Variants in KCNG4 observed in about 807,000 individuals in gnomAD.
KCNG4 encodes the protein voltage-gated potassium channel regulatory subunit KCNG4.
A neutral mutation model predicts 28.2 loss-of-function variants in KCNG4; 30 were observed. That is an observed-to-expected ratio of 1.06 (90% CI 0.80 to 1.44). The LOEUF is 1.44. KCNG4 is among the 40% of genes most tolerant of loss of function. The probability of loss-of-function intolerance (pLI) is 0.00; values close to 1 mark genes in which losing one functional copy is unlikely to be tolerated. For missense variants in KCNG4, 879 were observed against 712.3 expected, an observed-to-expected ratio of 1.23 and a Z score of -2.66; for synonymous variants, 375 against 315.5, an observed-to-expected ratio of 1.19 and a Z score of -2.00.
chr16:84,226,647 G>A lies in KCNG4; in HGVS notation c.757-3627C>T, dbSNP rs1484620541. Reference sequence around the variant, plus strand: ...TAATCCCAGCACTTTGGGAGGGCAAGGTGGGTGGATCACCTGAGGTCAGGA... The same window carrying A: ...TAATCCCAGCACTTTGGGAGGGCAAAGTGGGTGGATCACCTGAGGTCAGGA... On this transcript the variant is annotated intron_variant, in intron 2 of 2. Coordinates refer to ENST00000308251, the MANE Select transcript of KCNG4 (RefSeq NM_172347.3). This position sits in a 1 kb window ranked among gnomAD's most constrained non-coding sequence, Gnocchi z 4.1. Among the ~76,000 whole-genome samples the A allele has an allele frequency of 6.6e-6, 1 of 151,408 alleles. No individual in the cohort carries two copies. The highest frequency in any genetic ancestry group is 1.9e-4 in the East Asian group (1 of 5,174).
intron 2 of KCNG4, among the ~76,000 whole-genome samples, chr16:84,224,067 T>G (rs1904640582): frequency 6.6e-6 from 1 of 152,174 alleles, no homozygotes; most frequent in African/African-American, 2.4e-5. Context: ...AGTGTGGACC[T>G]TGAGCCAAAA....
intron 2 of KCNG4, 127 bp downstream of exon 2, chr16:84,236,603 T>G: frequency 9.6e-5 from 91 of 950,370 alleles, no homozygotes; most frequent in Non-Finnish European, 1.3e-4. Context: ...ATATAACCCA[T>G]GTTGGATAAT....
Position 84,222,742 on chromosome 16 carries a change from G to C in KCNG4, c.1035C>G (p.Leu345=). The C allele has an allele frequency of 6.2e-7, 1 of 1,612,836 alleles. No individual in the cohort carries two copies. The change falls in exon 3 of 3, where the codon CTC becomes CTG. Residue 345 remains leucine, a synonymous_variant. Transcript: ENST00000308251. ...VLRVLRALRI[L]YVMRLARHSL... ...AGTGGCGAGCCAGGCGCATCACGTA[G>C]AGGATGCGCAGCGCTCGCAGCACAC... is the stretch of plus-strand genomic sequence containing the variant.
At chr16:84,231,131 C>T (rs1174456193) in intron 2 of KCNG4, among the ~76,000 whole-genome samples, 3 of 152,292 alleles carry the variant, frequency 2.0e-5, no homozygotes, top group Non-Finnish European at 2.9e-5. Context: ...GAACAACAAG[C>T]GTCCACTCTG....
At chr16:84,229,375 T>C (rs1401743319) in intron 2 of KCNG4, among the ~76,000 whole-genome samples, 1 of 152,190 alleles carries the variant, frequency 6.6e-6, no homozygotes, top group Non-Finnish European at 1.5e-5. Context: ...GCATAACTTC[T>C]TGAGACCCAG....
chr16:84,237,606 G>C, intron 1 of KCNG4, 81 bp from the exon 2 acceptor site: 1 of 965,578 alleles, frequency 1.0e-6, no homozygotes, highest in South Asian at 3.1e-5. Flanking sequence ...CACGACTGCA[G>C]ATGTTCTTAC....
At chr16:84,223,247 A>G (rs1006200417) in intron 2 of KCNG4, among the ~76,000 whole-genome samples, 1 of 152,126 alleles carries the variant, frequency 6.6e-6, no homozygotes, top group Admixed American at 6.5e-5. Context: ...AATATGACTA[A>G]GTCCTCACCT....
At position 84,221,989 on chromosome 16, in the gene KCNG4, C is replaced by A. The variant is rs1005385664; in HGVS notation, c.*228G>T. ...AGATTGGACATGCTCAGTAGATGGG[C>A]AGAGAGAGGAAAAGGCAAGCAGGCT... On this transcript the variant is annotated 3_prime_UTR_variant, in exon 3 of 3. Transcript: ENST00000308251. The A allele has an allele frequency of 1.2e-5, 7 of 568,690 alleles. No homozygotes were observed. The highest frequency in any genetic ancestry group is 1.9e-5 in the African/African-American group (1 of 53,066). 35.2% of individuals were successfully genotyped at this position (568,690 alleles called of 1,614,324 possible). A position where few individuals can be genotyped will look rare whatever the true frequency, so the allele number is the denominator to read the frequency against.
intron 2 of KCNG4, among the ~76,000 whole-genome samples, chr16:84,224,419 C>CAT (rs765996334): frequency 4.1e-4 from 62 of 151,142 alleles, no homozygotes; most frequent in African/African-American, 4.4e-4. Flanking sequence ...CACACACACA[C>CAT]ACACACACAC....
rs149836458 is a variant in KCNG4 at position 84,224,423 on chromosome 16, C to T, written c.757-1403G>A. On this transcript the variant is annotated intron_variant, in intron 2 of 2. Transcript: ENST00000308251. Reference sequence around the variant, plus strand: ...ATATTTACACACACACACACACACACACACACACACACACACAGATATGTA... The same window carrying T: ...ATATTTACACACACACACACACACATACACACACACACACACAGATATGTA... 1.2e-3 allele frequency among the ~76,000 whole-genome samples: 166 copies of T among 134,852 alleles called. 2 individuals are homozygous for T. The highest frequency in any genetic ancestry group is 3.5e-3 in the African/African-American group (126 of 35,598). 88.5% of individuals were successfully genotyped at this position (134,852 alleles called of 152,430 possible). A position where few individuals can be genotyped will look rare whatever the true frequency, so the allele number is the denominator to read the frequency against.
Position 84,222,644 on chromosome 16 carries a change from A to G in KCNG4, c.1133T>C (p.Leu378Pro), listed in dbSNP as rs1904597489. 2 of 1,613,204 alleles carry G rather than the reference A, an allele frequency of 1.2e-6. No homozygotes were observed. Among genetic ancestry groups the G allele is most frequent in the Non-Finnish European group, 1.7e-6 (2 of 1,179,974 alleles). ...TREFGLLLLF[L>P]AVAITLFSPL... ...GGAGAAGAGGGTGATGGCCACGGCC[A>G]GGAAGAGAAGGAGCAGGCCGAACTC... The change falls in exon 3 of 3, where the codon CTG (leucine) becomes CCG (proline). Residue 378 changes from leucine (L) to proline (P), a missense_variant. Coordinates refer to ENST00000308251, the MANE Select transcript of KCNG4 (RefSeq NM_172347.3).
Position 84,237,250 on chromosome 16 carries a change from C to T in KCNG4, c.236G>A (p.Arg79Gln), listed in dbSNP as rs145522069. The change falls in exon 2 of 3, where the codon CGG becomes CAG. Residue 79 changes from arginine (R) to glutamine (Q), a missense_variant. Coordinates refer to ENST00000308251, the MANE Select transcript of KCNG4 (RefSeq NM_172347.3). ...TTTGCTCAGGCGGCTCAGCGGGAAC[C>T]GGTCCAGTGTGCTCCAGGGGAGGAG... ...RYLLPWSTLD[R>Q]FPLSRLSKLR... 4.7e-4 allele frequency: 765 copies of T among 1,613,904 alleles called. 7 individuals carry two copies. In the African/African-American group the frequency reaches 9.1e-3, roughly 19 times the overall value.
At chr16:84,230,869 G>C (rs1481095562) in intron 2 of KCNG4, among the ~76,000 whole-genome samples, 4 of 152,238 alleles carry the variant, frequency 2.6e-5, no homozygotes, top group Non-Finnish European at 5.9e-5. Context: ...GGCAGGGCTG[G>C]TCCTGCGCGT....
Position 84,236,789 on chromosome 16 carries a change from T to G in KCNG4, c.697A>C (p.Thr233Pro), listed in dbSNP as rs773933456. 2.5e-6 allele frequency: 4 copies of G among 1,613,772 alleles called. 1 individual carries two copies. Among genetic ancestry groups the G allele is most frequent in the South Asian group, 2.2e-5 (2 of 91,082 alleles). ...CTGACACACAGGCTGACGGCTGTGG[T>G]GGCCACGAAGAGGATGGAGAGGCAA... ...FACLSILFVA[T>P]TAVSLCVSTM... is the part of the protein sequence containing the mutation. The change falls in exon 2 of 3, where the codon ACC (threonine) becomes CCC (proline). Residue 233 changes from threonine to proline, a missense_variant. By Grantham distance (38) the Thr-to-Pro change is conservative. Coordinates refer to ENST00000308251, the MANE Select transcript of KCNG4 (RefSeq NM_172347.3).
At chr16:84,238,656 T>C (rs1905034280) in intron 1 of KCNG4, among the ~76,000 whole-genome samples, 1 of 152,184 alleles carries the variant, frequency 6.6e-6, no homozygotes, top group Non-Finnish European at 1.5e-5. Flanking sequence ...GCAGATCATC[T>C]GAGGTCAGGA....
chr16:84,237,209 T>C lies in KCNG4; in HGVS notation c.277A>G (p.Ser93Gly). The C allele has an allele frequency of 6.2e-7, 1 of 1,614,116 alleles. No individual in the cohort carries two copies. The highest frequency in any genetic ancestry group is 8.5e-7 in the Non-Finnish European group (1 of 1,180,036). ...SRLSKLRLCR[S>G]YEEIVQLCDD... ...CAGAGCTGCACGATCTCCTCGTAGC[T>C]CCGACAGAGCCTGAGTTTGCTCAGG... Residue 93 changes from serine to glycine, a missense_variant, in exon 2 of 3, where the codon AGC becomes GGC. Transcript: ENST00000308251.
chr16:84,231,767 G>A (rs890018814), intron 2 of KCNG4, among the ~76,000 whole-genome samples: 13 of 152,126 alleles, frequency 8.5e-5, no homozygotes, highest in African/African-American at 2.7e-4. Flanking sequence ...ACTTTGGGAG[G>A]CAGAGGAGGG....
Position 84,226,628 on chromosome 16 carries a change from C to G in KCNG4, c.757-3608G>C, listed in dbSNP as rs1256204559. On this transcript the variant is annotated intron_variant, in intron 2 of 2. Transcript: ENST00000308251. The surrounding 1 kb of genome is among the most constrained non-coding windows in gnomAD (Gnocchi z 4.1). ...GCACAATGGCTCACGCCTGTAATCC[C>G]AGCACTTTGGGAGGGCAAGGTGGGT... Among the ~76,000 whole-genome samples, 1 of 151,674 alleles carries G rather than the reference C, an allele frequency of 6.6e-6. No individual in the cohort carries two copies. The highest frequency in any genetic ancestry group is 1.5e-5 in the Non-Finnish European group (1 of 67,894).
At chr16:84,229,866 A>G (rs1597618599) in intron 2 of KCNG4, among the ~76,000 whole-genome samples, 3 of 152,350 alleles carry the variant, frequency 2.0e-5, no homozygotes, top group Middle Eastern at 6.8e-3. Context: ...CAAAACTAGG[A>G]TAAGAAGCAT....
Sources: gnomAD v4.1 joint callset for allele counts (sites outside exome capture counted in the v4.1 genomes callset) on GRCh38, gnomAD v4.1.1 for gene constraint, Gnocchi (gnomAD v3.1) non-coding constraint, MANE v1.5 for transcripts, NCBI Gene and HGNC (gene_info 2026-07-23, HGNC 2026-07-21) for gene names.